Variants in ST3GAL3 observed in about 807,000 individuals in gnomAD.
ST3GAL3 encodes the protein ST3 beta-galactoside alpha-2,3-sialyltransferase 3.
Under a neutral mutation model 50.1 loss-of-function variants are expected in ST3GAL3, and 21 were observed. The ratio of observed to expected loss-of-function variants is 0.42; its 90% CI spans 0.30 to 0.60. The LOEUF (loss-of-function observed/expected upper bound fraction) is 0.60. ST3GAL3 is among the 20% of genes least tolerant of loss of function. The pLI is 0.19. For missense variants in ST3GAL3, 353 were observed against 489.4 expected (o/e 0.72, Z 2.63); for synonymous variants, 183 against 190.0 (o/e 0.96, Z 0.30).
At chr1:43,869,845 G>A (rs1004122645) in intron 5 of ST3GAL3, among the ~76,000 whole-genome samples, 5 of 152,128 alleles carry the variant, frequency 3.3e-5, no homozygotes, top group Admixed American at 6.5e-5. Flanking sequence ...TAAAAACAGC[G>A]ACTGAGATAA....
intron 2 of ST3GAL3, among the ~76,000 whole-genome samples, chr1:43,781,138 T>G (rs1444251093): frequency 6.6e-6 from 1 of 152,120 alleles, no homozygotes; most frequent in East Asian, 1.9e-4. Flanking sequence ...GGTTTCCAGT[T>G]TTGTGTCTCT....
chr1:43,841,402 C>G (rs2065354114), intron 5 of ST3GAL3: 1 of 152,270 alleles, frequency 6.6e-6, no homozygotes, highest in Non-Finnish European at 1.5e-5. Context: ...CCTCTGAAAT[C>G]TAGGTGGAAG....
chr1:43,766,298 G>C (rs1692942154), intron 2 of ST3GAL3, among the ~76,000 whole-genome samples: 1 of 152,118 alleles, frequency 6.6e-6, no homozygotes, highest in East Asian at 1.9e-4. Flanking sequence ...TTTAGGAAGA[G>C]AGGTGCCTGG....
rs74070681 is a variant in ST3GAL3 at position 43,766,663 on chromosome 1, A to C, written c.119-25439A>C. On this transcript the variant is annotated intron_variant, in intron 2 of 11. Transcript: ENST00000347631. Reference sequence around the variant, plus strand: ...GCAGAGTCGATGACAGAAGGCCCTAAGGTGAGGTGTGGAGTTTAGATTTAA... The same window carrying C: ...GCAGAGTCGATGACAGAAGGCCCTACGGTGAGGTGTGGAGTTTAGATTTAA... 7.6e-3 allele frequency among the ~76,000 whole-genome samples: 1,153 copies of C among 152,254 alleles called. 23 individuals carry two copies. The highest frequency in any genetic ancestry group is 0.026 in the African/African-American group (1,095 of 41,528).
chr1:43,736,649 T>C, intron 2 of ST3GAL3: 1 of 548,298 alleles, frequency 1.8e-6, no homozygotes, highest in South Asian at 1.9e-5. Context: ...ACCCAAACTA[T>C]ACTCATACTT....
chr1:43,826,236 C>T (rs200034559), intron 4 of ST3GAL3, among the ~76,000 whole-genome samples: 9 of 152,008 alleles, frequency 5.9e-5, no homozygotes, highest in South Asian at 2.1e-4. Context: ...CCAGCCTGGG[C>T]GACAGAGTGA....
intron 5 of ST3GAL3, among the ~76,000 whole-genome samples, chr1:43,880,317 T>C (rs1348313311): frequency 1.3e-5 from 2 of 152,168 alleles, no homozygotes; most frequent in Non-Finnish European, 2.9e-5. Flanking sequence ...CAACCCCAAA[T>C]CTTCCCAAGG....
intron 2 of ST3GAL3, among the ~76,000 whole-genome samples, chr1:43,768,126 T>A (rs1290396421): frequency 2.0e-5 from 3 of 152,150 alleles, no homozygotes; most frequent in South Asian, 4.1e-4. Context: ...CAAGTTTTTT[T>A]AAAAAAAGAT....
chr1:43,885,261 A>C (rs2075782572), intron 5 of ST3GAL3, among the ~76,000 whole-genome samples: 1 of 152,152 alleles, frequency 6.6e-6, no homozygotes, highest in Admixed American at 6.5e-5. Flanking sequence ...CACAGGGGTC[A>C]GATCCACACT....
At chr1:43,875,938 CTTCTTCTTCTTCTTATTATTATTA>C (rs201493677) in intron 5 of ST3GAL3, among the ~76,000 whole-genome samples, 1,970 of 45,696 alleles carry the variant, frequency 0.043, 21 homozygotes, top group East Asian at 0.17. Flanking sequence ...TCTTCTTCTT[CTTCTTCTTCTTCTTATTATTATTA>C]TTATTATTAT....
rs1661921993 is a variant in ST3GAL3 at position 43,707,579 on chromosome 1, G to T, written c.-145G>T. On this transcript the variant is annotated 5_prime_UTR_variant, in exon 1 of 12. Transcript: ENST00000347631. ...CGGCGCCCATGCAGCCCAGCGCGTT[G>T]TGGGCTCCCGCCGGGGTCCCCCGCG... The T allele has an allele frequency of 6.6e-6, 1 of 151,898 alleles. No homozygotes were observed. Among genetic ancestry groups the T allele is most frequent in the African/African-American group, 2.4e-5 (1 of 41,398 alleles). 9.4% of individuals were successfully genotyped at this position (151,898 alleles called of 1,614,324 possible).
At chr1:43,749,531 G>A (rs1685179657) in intron 2 of ST3GAL3, among the ~76,000 whole-genome samples, 1 of 152,070 alleles carries the variant, frequency 6.6e-6, no homozygotes, top group Admixed American at 6.6e-5. Context: ...GAGCCCAGGA[G>A]TTCAAGATCA....
rs974603214 is a variant in ST3GAL3, at chr1:43,824,662, C to G, written c.209+9729C>G. 8.7e-6 allele frequency: 14 copies of G among 1,608,158 alleles called. No homozygotes were observed. In the African/African-American group the frequency reaches 1.5e-4, roughly 17 times the overall value. On this transcript the variant is annotated intron_variant, in intron 4 of 11. Transcript: ENST00000347631. ...CTAGCATTTTTCACAGCCCACTGTT[C>G]AAAGACTTTCTCCTAGACATCTTGA... is the stretch of plus-strand genomic sequence containing the variant.
At chr1:43,765,402 T>C (rs1020885877) in intron 2 of ST3GAL3, among the ~76,000 whole-genome samples, 3 of 152,162 alleles carry the variant, frequency 2.0e-5, no homozygotes, top group Admixed American at 1.3e-4. Flanking sequence ...AGATCAGTAC[T>C]CAGTCGTGTG....
chr1:43,844,528 G>A (rs2065910475), intron 5 of ST3GAL3, among the ~76,000 whole-genome samples: 1 of 152,166 alleles, frequency 6.6e-6, no homozygotes, highest in Non-Finnish European at 1.5e-5. Flanking sequence ...CTAACTATTG[G>A]TGGCCGGGCA....
intron 2 of ST3GAL3, among the ~76,000 whole-genome samples, chr1:43,746,281 A>G (rs1683606305): frequency 6.6e-6 from 1 of 152,196 alleles, no homozygotes; most frequent in Non-Finnish European, 1.5e-5. Flanking sequence ...AGAGTAGTCA[A>G]TTCATAGAGA....
chr1:43,854,876 G>A (rs1406486553), intron 5 of ST3GAL3, among the ~76,000 whole-genome samples: 4 of 152,146 alleles, frequency 2.6e-5, no homozygotes. Flanking sequence ...TGGCACTTGT[G>A]TACTGTCTTC....
intron 4 of ST3GAL3, among the ~76,000 whole-genome samples, chr1:43,830,209 A>AT (rs555214206): frequency 2.6e-4 from 39 of 151,126 alleles, no homozygotes; most frequent in African/African-American, 7.8e-4. Flanking sequence ...ATTAAAAAAA[A>AT]TTTTTTTTAA....
At chr1:43,765,869 A>G (rs1011836668) in intron 2 of ST3GAL3, among the ~76,000 whole-genome samples, 3 of 151,932 alleles carry the variant, frequency 2.0e-5, no homozygotes, top group Non-Finnish European at 2.9e-5. Flanking sequence ...TGATCCTGCC[A>G]TGTAGCTGTA....
Sources: gnomAD v4.1 joint callset for allele counts (sites outside exome capture counted in the v4.1 genomes callset) on GRCh38, gnomAD v4.1.1 for gene constraint, MANE v1.5 for transcripts, NCBI Gene and HGNC (gene_info 2026-07-23, HGNC 2026-07-21) for gene names.